PDE4B: variants seen among roughly 807,000 people sequenced by gnomAD.
The protein encoded by PDE4B is phosphodiesterase 4B.
In PDE4B, 20 loss-of-function variants were observed where a neutral mutation model predicts 82.2. That is an observed-to-expected ratio of 0.24 (90% CI 0.17 to 0.35). PDE4B has a LOEUF of 0.35. Among genes scored for constraint, PDE4B ranks in the 10% least tolerant of loss-of-function variants. The pLI is 1.00. For synonymous variants in PDE4B, 320 were observed against 318.9 expected (o/e 1.00, Z -0.04); for missense variants, 655 against 907.2 (o/e 0.72, Z 3.57).
chr1:66,038,722 C>T (rs1397373575), intron 3 of PDE4B, among the ~76,000 whole-genome samples: 1 of 151,976 alleles, frequency 6.6e-6, no homozygotes, highest in Non-Finnish European at 1.5e-5. Context: ...ACTGGTGAAG[C>T]TATTGCTTTA....
intron 1 of PDE4B, among the ~76,000 whole-genome samples, chr1:65,900,019 A>G (rs1646954445): frequency 6.6e-6 from 1 of 152,060 alleles, no homozygotes; most frequent in Non-Finnish European, 1.5e-5. Flanking sequence ...TGTTCCCCCA[A>G]TAACGTATGG....
intron 3 of PDE4B, among the ~76,000 whole-genome samples, chr1:66,240,069 G>A (rs566189871): frequency 1.3e-5 from 2 of 152,280 alleles, no homozygotes; most frequent in African/African-American, 2.4e-5. Context: ...GCCCCTCCCT[G>A]CAGGTGGTAT....
At chr1:65,984,082 A>G (rs1434434937) in intron 3 of PDE4B, among the ~76,000 whole-genome samples, 1 of 152,220 alleles carries the variant, frequency 6.6e-6, no homozygotes, top group Non-Finnish European at 1.5e-5. Flanking sequence ...GAAACAGCCC[A>G]ATTGTCCTTC....
At chr1:66,300,314 G>A (rs1457644951) in intron 7 of PDE4B, among the ~76,000 whole-genome samples, 3 of 152,112 alleles carry the variant, frequency 2.0e-5, no homozygotes, top group Non-Finnish European at 2.9e-5. Context: ...CTGCATTCCT[G>A]GGTGCAGCCT....
At chr1:66,165,410 C>G (rs966044971) in intron 3 of PDE4B, among the ~76,000 whole-genome samples, 37 of 151,856 alleles carry the variant, frequency 2.4e-4, no homozygotes, top group Non-Finnish European at 4.6e-4. Flanking sequence ...ATTTTTCCTC[C>G]TTTAATTTTA....
chr1:66,093,766 T>A (rs1462562596), intron 3 of PDE4B, among the ~76,000 whole-genome samples: 1 of 152,074 alleles, frequency 6.6e-6, no homozygotes, highest in Non-Finnish European at 1.5e-5. Context: ...TAGCAATCAT[T>A]TTGAAAGTGA....
chr1:66,310,062 G>T (rs1044932178), intron 7 of PDE4B, among the ~76,000 whole-genome samples: 12 of 152,138 alleles, frequency 7.9e-5, no homozygotes, highest in Admixed American at 1.3e-4. Context: ...CAAAATTCAG[G>T]TGTCAAGGGA....
At chr1:66,212,168 T>C (rs530812911) in intron 3 of PDE4B, among the ~76,000 whole-genome samples, 8 of 152,316 alleles carry the variant, frequency 5.3e-5, no homozygotes, top group Admixed American at 1.3e-4. Flanking sequence ...TTCCCCACTG[T>C]CCTTCATGGC....
intron 2 of PDE4B, among the ~76,000 whole-genome samples, chr1:65,915,740 A>G (rs775761522): frequency 6.6e-6 from 1 of 152,156 alleles, no homozygotes; most frequent in African/African-American, 2.4e-5. Flanking sequence ...AGGATTTTAC[A>G]CTACCTTTTC....
intron 13 of PDE4B, chr1:66,367,387 T>C (rs1386256635): frequency 1.0e-5 from 2 of 194,000 alleles, no homozygotes; most frequent in Non-Finnish European, 2.1e-5. Flanking sequence ...AAAATAGGAT[T>C]TAGCTGCTCA....
At chr1:66,281,733 C>T (rs1288739695) in intron 7 of PDE4B, among the ~76,000 whole-genome samples, 1 of 152,196 alleles carries the variant, frequency 6.6e-6, no homozygotes, top group Non-Finnish European at 1.5e-5. Flanking sequence ...AATATCAAAC[C>T]CCTGCTAAGT....
chr1:65,926,695 C>A (rs140671629), intron 3 of PDE4B, among the ~76,000 whole-genome samples: 19 of 152,194 alleles, frequency 1.2e-4, no homozygotes, highest in African/African-American at 4.1e-4. Context: ...TGTAGGCCTA[C>A]ATAGAATTGA....
At chr1:66,140,722 T>G (rs1646154530) in intron 3 of PDE4B, among the ~76,000 whole-genome samples, 1 of 152,212 alleles carries the variant, frequency 6.6e-6, no homozygotes, top group Non-Finnish European at 1.5e-5. Context: ...CTTAAGACAG[T>G]GCTTAAATGT....
At chr1:65,873,971 G>A (rs904467929) in intron 1 of PDE4B, among the ~76,000 whole-genome samples, 1 of 149,384 alleles carries the variant, frequency 6.7e-6, no homozygotes, top group Admixed American at 6.6e-5. Flanking sequence ...TTGGTAGCTT[G>A]ATGGGGATGG....
chr1:66,006,048 A>T (rs1326046451), intron 3 of PDE4B, among the ~76,000 whole-genome samples: 1 of 152,214 alleles, frequency 6.6e-6, no homozygotes, highest in East Asian at 1.9e-4. Flanking sequence ...AAGGAAAAAA[A>T]GTTTCTAAAA....
chr1:65,880,827 C>G (rs1464415749), intron 1 of PDE4B, among the ~76,000 whole-genome samples: 1 of 149,884 alleles, frequency 6.7e-6, no homozygotes, highest in Non-Finnish European at 1.5e-5. Context: ...TTGATTTTTG[C>G]CTATGGGAAG....
At chr1:65,871,362 C>G (rs188503671) in intron 1 of PDE4B, among the ~76,000 whole-genome samples, 1 of 152,266 alleles carries the variant, frequency 6.6e-6, no homozygotes. Context: ...CTGAACTAGT[C>G]TGTTAGTTTA....
intron 3 of PDE4B, among the ~76,000 whole-genome samples, chr1:66,110,255 A>G (rs1236854919): frequency 6.6e-6 from 1 of 152,010 alleles, no homozygotes; most frequent in Non-Finnish European, 1.5e-5. Flanking sequence ...TCAAAATGGT[A>G]ACTTCTGTGA....
At chr1:66,079,198 C>CTG (rs1656597537) in intron 3 of PDE4B, among the ~76,000 whole-genome samples, 1 of 148,760 alleles carries the variant, frequency 6.7e-6, no homozygotes, top group African/African-American at 2.5e-5. Flanking sequence ...CTCTCTCTCT[C>CTG]TCTGTCTCTG....
Sources: allele counts gnomAD v4.1 joint callset (sites outside exome capture counted in the v4.1 genomes callset), GRCh38; gene constraint gnomAD v4.1.1; transcripts MANE v1.5; gene names NCBI Gene and HGNC (gene_info 2026-07-23, HGNC 2026-07-21).